Variants in GRAMD1C observed in about 807,000 individuals in gnomAD.
GRAMD1C encodes GRAM domain containing 1C.
Under a neutral mutation model 97.8 loss-of-function variants are expected in GRAMD1C, and 89 were observed. The observed-to-expected ratio is 0.91, with a 90% CI of 0.77 to 1.09. The LOEUF is 1.09. GRAMD1C is among the 50% of genes least tolerant of loss of function. GRAMD1C has a pLI of 0.00. For synonymous variants in GRAMD1C, 256 were observed against 267.0 expected (o/e 0.96, Z 0.40); for missense variants, 740 against 766.4 (o/e 0.97, Z 0.41).
Position 113,838,918 on chromosome 3 carries a change from C to G in GRAMD1C, c.9C>G (p.Gly3=). The G allele has an allele frequency of 8.3e-7, 1 of 1,208,314 alleles. No individual in the cohort carries two copies. The highest frequency in any genetic ancestry group is 1.0e-6 in the Non-Finnish European group (1 of 979,846). The allele number at this position is 1,208,314 out of a possible 1,614,324, so 74.8% of individuals were successfully genotyped here. ME[G]APTVRQVMNE... ...CGGCGGAGGGAGCCGCGATGGAGGG[C>G]GCTCCGACTGTCCGTCAGGTAAGCC... Residue 3 remains glycine, a synonymous_variant, in exon 1 of 18, where the codon GGC becomes GGG. Coordinates refer to ENST00000358160, the MANE Select transcript of GRAMD1C (RefSeq NM_017577.5).
At chr3:113,927,611 G>T (rs1040218120) in intron 10 of GRAMD1C, among the ~76,000 whole-genome samples, 1 of 152,192 alleles carries the variant, frequency 6.6e-6, no homozygotes, top group Non-Finnish European at 1.5e-5. Context: ...GGGAACACGG[G>T]GTTGTGCCTG....
At chr3:113,860,591 T>G (rs973541880) in intron 2 of GRAMD1C, among the ~76,000 whole-genome samples, 4 of 152,148 alleles carry the variant, frequency 2.6e-5, no homozygotes, top group Admixed American at 6.5e-5. Flanking sequence ...TGAAAAAGAA[T>G]GAAGTTGGAA....
chr3:113,829,662 T>C lies in GRAMD1C; in HGVS notation n.98+1383T>C, dbSNP rs919973100. Among the ~76,000 whole-genome samples the C allele has an allele frequency of 3.3e-5, 5 of 152,338 alleles. No individual in the cohort carries two copies. The East Asian group carries it at 9.6e-4, about 29-fold the overall frequency. ...AGATTTTCATGTTTGCTTTATTTAT[T>C]ATTCTCTCTTGGCACACAATTTTTT... On this transcript the variant is annotated intron_variant and non_coding_transcript_variant, in intron 1 of 18. Coordinates refer to the GRAMD1C transcript ENST00000479212.
chr3:113,895,872 A>C (rs1935920737), intron 6 of GRAMD1C, among the ~76,000 whole-genome samples: 1 of 152,096 alleles, frequency 6.6e-6, no homozygotes, highest in Admixed American at 6.6e-5. Context: ...TCTAGCTTGA[A>C]CCATTACCAA....
chr3:113,883,389 G>A (rs955150474), intron 6 of GRAMD1C, among the ~76,000 whole-genome samples: 10 of 152,062 alleles, frequency 6.6e-5, no homozygotes, highest in African/African-American at 2.4e-4. Flanking sequence ...GCTGGGTGTG[G>A]TGACGCTTAC....
chr3:113,853,274 A>G (rs79154937), intron 2 of GRAMD1C, among the ~76,000 whole-genome samples: 3,612 of 152,336 alleles, frequency 0.024, 140 homozygotes, highest in African/African-American at 0.08. Flanking sequence ...AGTGAAAGAT[A>G]TATACGTATT....
At chr3:113,891,515 T>C (rs1935723920) in intron 6 of GRAMD1C, among the ~76,000 whole-genome samples, 1 of 152,058 alleles carries the variant, frequency 6.6e-6, no homozygotes, top group Non-Finnish European at 1.5e-5. Context: ...CCTCATAAAA[T>C]ATACAGCATA....
chr3:113,868,083 TTTTA>T (rs1486239601), intron 2 of GRAMD1C, among the ~76,000 whole-genome samples: 1 of 152,176 alleles, frequency 6.6e-6, no homozygotes. Context: ...CTAGTGAATT[TTTTA>T]TTTGATTGTA....
chr3:113,887,763 G>A (rs1052361929), intron 6 of GRAMD1C, among the ~76,000 whole-genome samples: 4 of 120,670 alleles, frequency 3.3e-5, no homozygotes, highest in Non-Finnish European at 5.4e-5. Flanking sequence ...GATCAACCAA[G>A]AAAAAAAGAA....
chr3:113,935,070 A>G (rs1243010258), intron 13 of GRAMD1C, among the ~76,000 whole-genome samples: 1 of 152,206 alleles, frequency 6.6e-6, no homozygotes, highest in African/African-American at 2.4e-5. Flanking sequence ...AATGCTTATT[A>G]TATCCCAGAC....
intron 2 of GRAMD1C, chr3:113,850,580 A>G: frequency 2.5e-6 from 4 of 1,606,694 alleles, no homozygotes; most frequent in Admixed American, 3.3e-5. Flanking sequence ...AGGACTTGAG[A>G]GACTGCATGG....
At chr3:113,929,948 GC>G (rs1937350801) in intron 10 of GRAMD1C, among the ~76,000 whole-genome samples, 1 of 152,140 alleles carries the variant, frequency 6.6e-6, no homozygotes, top group South Asian at 2.1e-4. Flanking sequence ...TTGTGCTGGG[GC>G]ATTAGGTGAT....
chr3:113,903,745 A>G (rs1042627400), intron 7 of GRAMD1C, among the ~76,000 whole-genome samples: 1 of 151,778 alleles, frequency 6.6e-6, no homozygotes, highest in African/African-American at 2.4e-5. Flanking sequence ...AGTCAGAAGG[A>G]AGGAGATATA....
intron 3 of GRAMD1C, among the ~76,000 whole-genome samples, chr3:113,873,744 C>G (rs190511713): frequency 4.6e-4 from 70 of 152,280 alleles, no homozygotes; most frequent in African/African-American, 1.6e-3. Flanking sequence ...GTCTCAAACT[C>G]CTGACCTCAG....
At chr3:113,850,248 G>C in intron 2 of GRAMD1C, 1 of 631,568 alleles carries the variant, frequency 1.6e-6, no homozygotes, top group Non-Finnish European at 3.0e-6. Context: ...TACTGAGGTG[G>C]CTGACCACGT....
At chr3:113,932,975 G>A (rs1364328903) in intron 11 of GRAMD1C, among the ~76,000 whole-genome samples, 1 of 150,876 alleles carries the variant, frequency 6.6e-6, no homozygotes, top group Non-Finnish European at 1.5e-5. Flanking sequence ...TCTGCCTCCT[G>A]GGTTCAAGTG....
At chr3:113,932,170 A>G (rs894705032) in intron 11 of GRAMD1C, among the ~76,000 whole-genome samples, 1 of 152,224 alleles carries the variant, frequency 6.6e-6, no homozygotes, top group Non-Finnish European at 1.5e-5. Context: ...TGATTTGCAA[A>G]TAGTCTGAAA....
chr3:113,884,119 A>G lies in GRAMD1C; in HGVS notation c.540+1287A>G, dbSNP rs976131659. On this transcript the variant is annotated intron_variant, in intron 6 of 17. Coordinates refer to ENST00000358160, the MANE Select transcript of GRAMD1C (RefSeq NM_017577.5). ...ACTATAGACTAACTAAAAGACATCTATGATGCACTCCACCAAACAGTAGCA... is the reference window on the plus strand; with the variant it reads ...ACTATAGACTAACTAAAAGACATCTGTGATGCACTCCACCAAACAGTAGCA... Among the ~76,000 whole-genome samples the G allele has an allele frequency of 4.6e-5, 7 of 152,336 alleles. No homozygotes were observed. The East Asian group carries it at 1.2e-3, about 25-fold the overall frequency.
At chr3:113,867,025 T>G (rs1010277596) in intron 2 of GRAMD1C, among the ~76,000 whole-genome samples, 3 of 152,124 alleles carry the variant, frequency 2.0e-5, no homozygotes, top group Non-Finnish European at 4.4e-5. Context: ...GAGATGGGGT[T>G]TCACCATCTT....
Sources: allele counts gnomAD v4.1 joint callset (sites outside exome capture counted in the v4.1 genomes callset), GRCh38; gene constraint gnomAD v4.1.1; transcripts MANE v1.5; gene names NCBI Gene and HGNC (gene_info 2026-07-23, HGNC 2026-07-21).